Variants in PDE10A observed in about 807,000 individuals in gnomAD.
PDE10A encodes the protein phosphodiesterase 10A, also known as cAMP and cAMP-inhibited cGMP 3',5'-cyclic phosphodiesterase 10A.
Under a neutral mutation model 97.7 loss-of-function variants are expected in PDE10A, and 39 were observed. The observed-to-expected ratio is 0.40, with a 90% confidence interval of 0.31 to 0.52. The LOEUF is 0.52. PDE10A is among the 20% of genes least tolerant of loss of function. PDE10A has a pLI of 0.56. For synonymous variants in PDE10A, 371 were observed against 376.8 expected, an observed-to-expected ratio of 0.98 and a Z score of 0.18; for missense variants, 731 against 1,047.8, an observed-to-expected ratio of 0.70 and a Z score of 4.17.
chr6:165,364,171 T>A (rs961971471), intron 18 of PDE10A, among the ~76,000 whole-genome samples: 3 of 152,228 alleles, frequency 2.0e-5, no homozygotes, highest in Non-Finnish European at 4.4e-5. Context: ...TTCTTTCCCC[T>A]AAAATTAATA....
chr6:165,604,322 G>A (rs1350964783), intron 1 of PDE10A, among the ~76,000 whole-genome samples: 1 of 152,092 alleles, frequency 6.6e-6, no homozygotes, highest in Non-Finnish European at 1.5e-5. Flanking sequence ...TTCAATAAGT[G>A]AATCATTGGC....
At chr6:165,487,779 GC>G (rs965367891) in intron 2 of PDE10A, among the ~76,000 whole-genome samples, 1 of 151,972 alleles carries the variant, frequency 6.6e-6, no homozygotes, top group Admixed American at 6.6e-5. Context: ...AGAGAATACT[GC>G]CCCCTCCCAC....
At chr6:165,958,555 AAGAAAGAAAGACAGAC>A (rs1237608917) in intron 1 of PDE10A, among the ~76,000 whole-genome samples, 2,122 of 51,942 alleles carry the variant, frequency 0.041, 197 homozygotes, top group South Asian at 0.076. Flanking sequence ...GAAAGAAAGA[AAGAAAGAAAGACAGAC>A]AGAAAGAAAG....
chr6:165,527,218 T>C (rs1782498913), intron 2 of PDE10A, among the ~76,000 whole-genome samples: 1 of 152,166 alleles, frequency 6.6e-6, no homozygotes, highest in Non-Finnish European at 1.5e-5. Context: ...CTGAGCCTAT[T>C]TGGATTTTGG....
intron 18 of PDE10A, among the ~76,000 whole-genome samples, chr6:165,372,358 C>G (rs1562393560): frequency 6.7e-6 from 1 of 149,536 alleles, no homozygotes; most frequent in Non-Finnish European, 1.5e-5. Context: ...TCTCCTTAAG[C>G]TGATAAGCAA....
chr6:165,701,949 G>A (rs139296511), intron 1 of PDE10A, among the ~76,000 whole-genome samples: 2 of 152,274 alleles, frequency 1.3e-5, no homozygotes, highest in South Asian at 2.1e-4. Context: ...CCGGTGATAC[G>A]GAGGAGATGA....
At chr6:165,419,680 T>C (rs571230375) in intron 10 of PDE10A, among the ~76,000 whole-genome samples, 2 of 152,310 alleles carry the variant, frequency 1.3e-5, no homozygotes, top group Admixed American at 6.5e-5. Context: ...CCTGAGTGGG[T>C]TGGGGCTACA....
intron 1 of PDE10A, among the ~76,000 whole-genome samples, chr6:165,933,556 A>G (rs1783214524): frequency 6.6e-6 from 1 of 152,214 alleles, no homozygotes; most frequent in Non-Finnish European, 1.5e-5. Context: ...ACATAAATTT[A>G]TACAAATTCA....
At chr6:165,918,442 C>T (rs1375703980) in intron 1 of PDE10A, among the ~76,000 whole-genome samples, 3 of 152,210 alleles carry the variant, frequency 2.0e-5, no homozygotes, top group Non-Finnish European at 4.4e-5. Context: ...AGATTTAATG[C>T]TATGGGTACT....
intron 1 of PDE10A, chr6:165,545,056 A>C: frequency 2.3e-6 from 1 of 434,722 alleles, no homozygotes; most frequent in Non-Finnish European, 4.3e-6. Flanking sequence ...GTAAGCTGAT[A>C]GCATACTTGA....
rs540238882 is a variant in PDE10A, at chr6:165,462,922, T to C, written c.1024-12560A>G. The stretch of plus-strand genomic sequence containing the variant: ...TTTCTGATCTCAGTATTTACCATAA[T>C]AAATCTGCTACTATAATTGAGGCAT... On this transcript the variant is annotated intron_variant, in intron 3 of 21. Coordinates refer to ENST00000539869, the MANE Select transcript of PDE10A (RefSeq NM_001385079.1). 4.1e-4 allele frequency among the ~76,000 whole-genome samples: 62 copies of C among 152,350 alleles called. 1 individual carries two copies. The South Asian group carries it at 0.012, about 29-fold the overall frequency.
chr6:165,466,659 G>C (rs1225195147), intron 3 of PDE10A, among the ~76,000 whole-genome samples: 1 of 152,090 alleles, frequency 6.6e-6, no homozygotes, highest in Non-Finnish European at 1.5e-5. Flanking sequence ...CTGTTAAGGT[G>C]ATCTACAGTC....
chr6:165,691,106 TC>T (rs35264122), intron 1 of PDE10A, among the ~76,000 whole-genome samples: 458 of 39,108 alleles, frequency 0.012, 37 homozygotes, highest in African/African-American at 0.044. Flanking sequence ...TCTTTCTCTC[TC>T]CCCCCCCCCA....
At chr6:165,820,604 C>A (rs772513668) in intron 1 of PDE10A, among the ~76,000 whole-genome samples, 1 of 152,202 alleles carries the variant, frequency 6.6e-6, no homozygotes, top group Admixed American at 6.5e-5. Flanking sequence ...GGCCCCCCAG[C>A]GTCTGGTCCT....
chr6:165,784,251 A>G (rs1172101828), intron 1 of PDE10A, among the ~76,000 whole-genome samples: 1 of 152,006 alleles, frequency 6.6e-6, no homozygotes, highest in Non-Finnish European at 1.5e-5. Flanking sequence ...AAGAAATAAA[A>G]AGAAAAGGTG....
At chr6:165,429,879 AAAT>A (rs765782699) in intron 9 of PDE10A, among the ~76,000 whole-genome samples, 2 of 142,808 alleles carry the variant, frequency 1.4e-5, no homozygotes, top group African/African-American at 2.6e-5. Flanking sequence ...GGGAAAATTT[AAAT>A]AATAATAATA....
intron 2 of PDE10A, among the ~76,000 whole-genome samples, chr6:165,483,375 TTTC>T (rs1411642076): frequency 6.6e-6 from 1 of 152,218 alleles, no homozygotes; most frequent in African/African-American, 2.4e-5. Flanking sequence ...GCTCATATAT[TTTC>T]TTATCATTGT....
chr6:165,968,196 T>C (rs1332133532), intron 1 of PDE10A, among the ~76,000 whole-genome samples: 1 of 152,202 alleles, frequency 6.6e-6, no homozygotes, highest in Admixed American at 6.5e-5. Flanking sequence ...TAGGAGAAGA[T>C]GACTCATCAA....
intron 1 of PDE10A, among the ~76,000 whole-genome samples, chr6:165,849,652 G>A (rs1471283993): frequency 1.3e-5 from 2 of 152,134 alleles, no homozygotes; most frequent in Non-Finnish European, 2.9e-5. Context: ...ACACCATCTC[G>A]GTGCCAGAGA....
Sources: allele counts gnomAD v4.1 joint callset (sites outside exome capture counted in the v4.1 genomes callset), GRCh38; gene constraint gnomAD v4.1.1; transcripts MANE v1.5; gene names NCBI Gene and HGNC (gene_info 2026-07-23, HGNC 2026-07-21).